WASHC4: variants seen among roughly 807,000 people sequenced by gnomAD.
The protein encoded by WASHC4 is WASH complex subunit 4.
A neutral mutation model predicts 166.6 loss-of-function variants in WASHC4; 86 were observed. That is an observed-to-expected ratio of 0.52 (90% CI 0.43 to 0.62). The LOEUF is 0.62. Ranked by LOEUF, WASHC4 falls within the 20% of genes least tolerant of loss-of-function variation. The probability of loss-of-function intolerance (pLI) is 0.00; values close to 1 mark genes in which losing one functional copy is unlikely to be tolerated. For missense variants in WASHC4, 1,262 were observed against 1,382.4 expected (o/e 0.91, Z 1.38); for synonymous variants, 446 against 451.6 (o/e 0.99, Z 0.16).
At chr12:105,164,418 G>A in intron 31 of WASHC4, 111 bp downstream of exon 31, 2 of 978,638 alleles carry the variant, frequency 2.0e-6, no homozygotes, top group African/African-American at 3.2e-5. Flanking sequence ...TCACAAGTGA[G>A]ATGAATAGTG....
intron 7 of WASHC4, among the ~76,000 whole-genome samples, chr12:105,118,918 C>G (rs2135734113): frequency 6.6e-6 from 1 of 152,226 alleles, no homozygotes; most frequent in South Asian, 2.1e-4. Context: ...GCTAGGGAAT[C>G]TACATTGAAG....
chr12:105,120,705 C>T (rs1269283211), intron 8 of WASHC4, 108 bp downstream of exon 8: 8 of 698,566 alleles, frequency 1.1e-5, no homozygotes, highest in South Asian at 3.3e-5. Context: ...CTTAAAGAGG[C>T]GTGTGTGTGT....
intron 13 of WASHC4, 106 bp downstream of exon 13, chr12:105,127,395 T>C: frequency 1.1e-6 from 1 of 903,406 alleles, no homozygotes; most frequent in Non-Finnish European, 1.8e-6. Flanking sequence ...AGATTAAATG[T>C]ACTTGATAAG....
intron 13 of WASHC4, among the ~76,000 whole-genome samples, chr12:105,132,526 A>G (rs983579988): frequency 2.6e-5 from 4 of 152,216 alleles, no homozygotes; most frequent in Non-Finnish European, 4.4e-5. Context: ...GAATGTAAAA[A>G]GGTTCCCATC....
At chr12:105,149,446 A>G (rs1592904581) in intron 24 of WASHC4, 169 bp from the exon 25 acceptor site, 3 of 1,057,230 alleles carry the variant, frequency 2.8e-6, no homozygotes, top group African/African-American at 1.7e-5. Context: ...AACTTCAGCA[A>G]TAAAAAATGT....
intron 25 of WASHC4, among the ~76,000 whole-genome samples, chr12:105,151,163 A>G (rs1458301456): frequency 3.3e-5 from 5 of 151,576 alleles, no homozygotes; most frequent in Admixed American, 3.3e-4. Context: ...AAAAAAAAAA[A>G]AAAAAAAGAA....
intron 24 of WASHC4, chr12:105,147,624 C>G (rs117453741): frequency 2.0e-6 from 2 of 996,230 alleles, no homozygotes; most frequent in Non-Finnish European, 2.4e-6. Flanking sequence ...GGGCATTCAC[C>G]GCTTGGCGTG....
chr12:105,167,333 G>A lies in WASHC4; in HGVS notation c.*402G>A. 1 of 180,064 alleles carries A rather than the reference G, an allele frequency of 5.6e-6. No individual in the cohort carries two copies. The allele number at this position is 180,064 out of a possible 1,614,324, so 11.2% of individuals were successfully genotyped here. ...TCAATGCATATACTATATACAGCCA[G>A]TAAATACATGCTTAACAAAAGGAAT... On this transcript the variant is annotated 3_prime_UTR_variant, in exon 33 of 33. Transcript: ENST00000332180.
intron 13 of WASHC4, among the ~76,000 whole-genome samples, chr12:105,129,255 T>C (rs1186714325): frequency 6.6e-6 from 1 of 152,182 alleles, no homozygotes; most frequent in Non-Finnish European, 1.5e-5. Flanking sequence ...TGGCTAATTT[T>C]TGTATTTTTA....
Position 105,157,347 on chromosome 12 carries a change from A to G in WASHC4, c.2912+25A>G, listed in dbSNP as rs1221256152. On this transcript the variant is annotated intron_variant, in intron 28 of 32. Transcript: ENST00000332180. ...GGTAATCTAAATTTGGAAATATAAA[A>G]AAGTGTGTTTATAAAAAACATTCTG... The G allele has an allele frequency of 6.1e-6, 8 of 1,315,134 alleles. No individual in the cohort carries two copies. In the African/African-American group the frequency reaches 7.2e-5, roughly 12 times the overall value. 81.5% of individuals were successfully genotyped at this position (1,315,134 alleles called of 1,614,324 possible). A position where few individuals can be genotyped will look rare whatever the true frequency, so the allele number is the denominator to read the frequency against.
Position 105,122,226 on chromosome 12 carries a change from A to C in WASHC4, c.774A>C (p.Gly258=). The part of the protein sequence containing the change: ...LLKLEGQLLD[G]MIFQACIEQQ... ...AGCTAGAAGGGCAATTACTGGATGGAATGATATTCCAGGTAAGTAGGTCTG... is the reference window on the plus strand; with the variant it reads ...AGCTAGAAGGGCAATTACTGGATGGCATGATATTCCAGGTAAGTAGGTCTG... The change falls in exon 10 of 33, where the codon GGA becomes GGC. Residue 258 remains glycine (G), a synonymous_variant. Coordinates refer to ENST00000332180, the MANE Select transcript of WASHC4 (RefSeq NM_015275.3). 1 of 1,612,678 alleles carries C rather than the reference A, an allele frequency of 6.2e-7. No individual in the cohort carries two copies. The highest frequency in any genetic ancestry group is 8.5e-7 in the Non-Finnish European group (1 of 1,179,610).
Position 105,121,186 on chromosome 12 carries a change from A to G in WASHC4, c.647A>G (p.His216Arg). 1.3e-6 allele frequency: 2 copies of G among 1,589,370 alleles called. No individual in the cohort carries two copies. Among genetic ancestry groups the G allele is most frequent in the Non-Finnish European group, 1.7e-6 (2 of 1,158,074 alleles). ...IIDNHITLKD[H>R]WTMYKRLLKS... ...GATAATCATATCACACTGAAAGACC[A>G]CTGGACTATGTACAAAAGGTACACC... Residue 216 changes from histidine to arginine, a missense_variant, in exon 9 of 33, where the codon CAC becomes CGC. His to Arg is a conservative substitution (Grantham distance 29). Transcript: ENST00000332180.
chr12:105,163,341 A>T (rs1306980437), intron 30 of WASHC4, among the ~76,000 whole-genome samples: 1 of 152,114 alleles, frequency 6.6e-6, no homozygotes, highest in East Asian at 1.9e-4. Flanking sequence ...TGTAGTTTAT[A>T]ACTTATTGAA....
rs527798282 is a variant in WASHC4, at chr12:105,144,522, A to G, written c.2179+67A>G. The G allele has an allele frequency of 4.4e-5, 62 of 1,411,500 alleles. No individual in the cohort carries two copies. In the South Asian group the frequency reaches 7.4e-4, roughly 17 times the overall value. The allele number at this position is 1,411,500 out of a possible 1,614,324, so 87.4% of individuals were successfully genotyped here. ...TTTTTTTTTTTTACCCTACTGTTAA[A>G]CAAAACTTTGAGGGTATATTTAAAT... On this transcript the variant is annotated intron_variant, in intron 21 of 32. Transcript: ENST00000332180.
intron 10 of WASHC4, among the ~76,000 whole-genome samples, chr12:105,124,118 CTT>C (rs544937988): frequency 9.4e-5 from 13 of 138,920 alleles, no homozygotes; most frequent in Middle Eastern, 3.8e-3. Flanking sequence ...GTAAATATAA[CTT>C]TTTTTTTTTT....
rs1277009547 is a variant in WASHC4, at chr12:105,143,170, A to G, written c.1937A>G (p.His646Arg). ...CGCGACTGTGTACCTGCTATGATGCATGCAAGGCATTTAGAGTCCTATGAG... is the reference window on the plus strand; with the variant it reads ...CGCGACTGTGTACCTGCTATGATGCGTGCAAGGCATTTAGAGTCCTATGAG... The part of the protein sequence containing the change: ...ALRDCVPAMM[H>R]ARHLESYEIL... The change falls in exon 20 of 33, where the codon CAT becomes CGT. Residue 646 changes from histidine to arginine, a missense_variant. By Grantham distance (29) the His-to-Arg change is conservative. Transcript: ENST00000332180. The G allele has an allele frequency of 3.1e-6, 5 of 1,611,932 alleles. No homozygotes were observed. The highest frequency in any genetic ancestry group is 4.2e-6 in the Non-Finnish European group (5 of 1,178,430).
chr12:105,107,947 G>A (rs1275822919), intron 1 of WASHC4, 86 bp downstream of exon 1: 3 of 1,011,270 alleles, frequency 3.0e-6, no homozygotes, highest in Admixed American at 4.0e-5. Flanking sequence ...CTGCGAGAGG[G>A]ACGGCTGCGC....
chr12:105,126,959 T>A (rs1051236312), intron 12 of WASHC4, among the ~76,000 whole-genome samples, 170 bp from the exon 13 acceptor site: 2 of 152,110 alleles, frequency 1.3e-5, no homozygotes, highest in Non-Finnish European at 2.9e-5. Context: ...TAGAAATGCC[T>A]TAACTCTGCC....
intron 1 of WASHC4, among the ~76,000 whole-genome samples, chr12:105,108,197 A>G (rs1051736837): frequency 1.3e-5 from 2 of 152,172 alleles, no homozygotes; most frequent in African/African-American, 4.8e-5. Context: ...CCGGGATCCC[A>G]GGCTGCTTCT....
Sources: allele counts gnomAD v4.1 joint callset (sites outside exome capture counted in the v4.1 genomes callset), GRCh38; gene constraint gnomAD v4.1.1; transcripts MANE v1.5; gene names NCBI Gene and HGNC (gene_info 2026-07-23, HGNC 2026-07-21).